The following WDR27 variants were observed in gnomAD, a reference collection of about 807,000 sequenced individuals.
WDR27 encodes the protein WD repeat domain 27.
In WDR27, 100 loss-of-function variants were observed where a neutral mutation model predicts 114.4. The ratio of observed to expected loss-of-function variants is 0.87; its 90% CI spans 0.74 to 1.03. WDR27 has a LOEUF of 1.03. Among genes scored for constraint, WDR27 ranks in the 50% least tolerant of loss-of-function variants. The pLI, the probability that WDR27 is intolerant of heterozygous loss-of-function variation, is 0.00. For synonymous variants in WDR27, 449 were observed against 423.1 expected (o/e 1.06, Z -0.75); for missense variants, 1,129 against 1,092.9 (o/e 1.03, Z -0.47).
At chr6:169,464,569 T>C (rs1785310310) in intron 25 of WDR27, among the ~76,000 whole-genome samples, 1 of 152,198 alleles carries the variant, frequency 6.6e-6, no homozygotes, top group African/African-American at 2.4e-5. Context: ...AAAGGTACTA[T>C]TAAAAGAGTG....
At chr6:169,607,136 AT>A (rs1011404678) in intron 22 of WDR27, among the ~76,000 whole-genome samples, 28 of 152,160 alleles carry the variant, frequency 1.8e-4, no homozygotes, top group Non-Finnish European at 8.8e-5. Context: ...TACAATGCTG[AT>A]GGGAATGTAA....
chr6:169,514,607 T>G (rs2128054894), intron 25 of WDR27, among the ~76,000 whole-genome samples: 1 of 148,278 alleles, frequency 6.7e-6, no homozygotes, highest in Non-Finnish European at 1.5e-5. Context: ...AAACATTAAT[T>G]TTTTAATAAA....
chr6:169,471,387 C>G (rs1786371883), intron 25 of WDR27, among the ~76,000 whole-genome samples: 1 of 151,982 alleles, frequency 6.6e-6, no homozygotes, highest in Admixed American at 6.5e-5. Flanking sequence ...TTTCAGAGAT[C>G]CCAGGTGTCT....
chr6:169,638,322 C>CAA (rs60501000), intron 18 of WDR27, among the ~76,000 whole-genome samples: 1,763 of 11,024 alleles, frequency 0.16, 422 homozygotes, highest in South Asian at 0.44. Context: ...GACTCCGTCT[C>CAA]AAAAAAAAAA....
chr6:169,495,523 T>A (rs368771040), intron 25 of WDR27, among the ~76,000 whole-genome samples: 8 of 149,904 alleles, frequency 5.3e-5, no homozygotes, highest in Non-Finnish European at 5.9e-5. Context: ...TTTGAAAAGA[T>A]AAAAAAAAAC....
Position 169,672,145 on chromosome 6 carries a change from A to G in WDR27, c.331+110T>C, listed in dbSNP as rs1039910019. ...GTACAAAATTATCCCAAACCCCCCGAGGGACTGCTGTTACCCAAGGGAAAC... is the reference window on the plus strand; with the variant it reads ...GTACAAAATTATCCCAAACCCCCCGGGGGACTGCTGTTACCCAAGGGAAAC... On this transcript the variant is annotated intron_variant, in intron 3 of 25. Coordinates refer to ENST00000448612, the MANE Select transcript of WDR27 (RefSeq NM_182552.5). 4.4e-6 allele frequency: 5 copies of G among 1,133,884 alleles called. No homozygotes were observed. In the Admixed American group the frequency reaches 8.2e-5, roughly 19 times the overall value. The allele number at this position is 1,133,884 out of a possible 1,614,324, so 70.2% of individuals were successfully genotyped here.
intron 25 of WDR27, among the ~76,000 whole-genome samples, chr6:169,517,081 G>C (rs1025689754): frequency 6.6e-6 from 1 of 152,136 alleles, no homozygotes; most frequent in African/African-American, 2.4e-5. Flanking sequence ...GGAGGTGTTT[G>C]GGTCATGGGG....
chr6:169,543,938 A>T (rs1797122083), intron 25 of WDR27, among the ~76,000 whole-genome samples: 1 of 152,242 alleles, frequency 6.6e-6, no homozygotes, highest in Admixed American at 6.5e-5. Context: ...GCAGATTTCA[A>T]ATATTGACAT....
At chr6:169,565,043 C>T (rs959006697) in intron 25 of WDR27, among the ~76,000 whole-genome samples, 11 of 152,114 alleles carry the variant, frequency 7.2e-5, no homozygotes, top group African/African-American at 1.9e-4. Flanking sequence ...CCTGAAGCCT[C>T]GCCGAGCTGA....
intron 25 of WDR27, among the ~76,000 whole-genome samples, chr6:169,510,119 AG>A (rs1227193018): frequency 6.6e-6 from 1 of 152,246 alleles, no homozygotes; most frequent in Non-Finnish European, 1.5e-5. Flanking sequence ...ATCATTAAAA[AG>A]TCAGGAAACA....
the WDR27 span, among the ~76,000 whole-genome samples, chr6:169,441,362 A>G: frequency 2.4e-4 from 37 of 152,170 alleles, no homozygotes; most frequent in Non-Finnish European, 4.6e-4. Flanking sequence ...TCTTGATCAA[A>G]AGGGGGAAAT....
chr6:169,452,722 G>A (rs2115229097), downstream of WDR27, among the ~76,000 whole-genome samples: 1 of 152,374 alleles, frequency 6.6e-6, no homozygotes. Flanking sequence ...GTTCCACGGG[G>A]ATGGCACAGA....
chr6:169,559,124 T>G (rs1562582007), intron 25 of WDR27: 1 of 152,254 alleles, frequency 6.6e-6, no homozygotes, highest in Admixed American at 6.5e-5. Flanking sequence ...CAATCCCTTA[T>G]GTTCTCATTG....
intron 21 of WDR27, among the ~76,000 whole-genome samples, chr6:169,622,222 T>C (rs530039254): frequency 6.6e-6 from 1 of 152,240 alleles, no homozygotes; most frequent in Admixed American, 6.5e-5. Flanking sequence ...CTTATGTATG[T>C]TGACTGATGT....
intron 25 of WDR27, among the ~76,000 whole-genome samples, chr6:169,507,127 G>C (rs1792100698): frequency 6.6e-6 from 1 of 152,156 alleles, no homozygotes; most frequent in Non-Finnish European, 1.5e-5. Context: ...TTTCAGATTT[G>C]ATTTTCCAAA....
intron 23 of WDR27, among the ~76,000 whole-genome samples, chr6:169,586,068 ATTTG>A: frequency 6.6e-6 from 1 of 152,184 alleles, no homozygotes; most frequent in South Asian, 2.1e-4. Flanking sequence ...TTTAATGTCA[ATTTG>A]TTTCCTGGCA....
chr6:169,515,345 A>T (rs566070760), intron 25 of WDR27, among the ~76,000 whole-genome samples: 2 of 152,206 alleles, frequency 1.3e-5, no homozygotes. Context: ...AGGCTTTAGG[A>T]ATGTGTGCCT....
intron 23 of WDR27, among the ~76,000 whole-genome samples, chr6:169,586,979 G>T (rs984337131): frequency 1.8e-4 from 28 of 151,654 alleles, no homozygotes; most frequent in Non-Finnish European, 1.2e-4. Context: ...ATTGGCAGGT[G>T]GTGTTTTTTT....
At chr6:169,701,182 T>C (rs1787901308) in intron 1 of WDR27, among the ~76,000 whole-genome samples, 1 of 152,112 alleles carries the variant, frequency 6.6e-6, no homozygotes, top group African/African-American at 2.4e-5. Context: ...ACTCGAGGAG[T>C]ACCACTGATA....
Sources: allele counts gnomAD v4.1 joint callset (sites outside exome capture counted in the v4.1 genomes callset), GRCh38; gene constraint gnomAD v4.1.1; transcripts MANE v1.5; gene names NCBI Gene and HGNC (gene_info 2026-07-23, HGNC 2026-07-21).